ZNF208: variants seen among roughly 807,000 people sequenced by gnomAD.
The protein encoded by ZNF208 is zinc finger protein 208.
ZNF208 carries 10 observed loss-of-function variants against 12.1 expected under a neutral mutation model. The observed-to-expected ratio is 0.83, with a 90% confidence interval of 0.51 to 1.40. The LOEUF is 1.40. Ranked by LOEUF, ZNF208 falls within the 40% of genes most tolerant of loss-of-function variation. The probability of loss-of-function intolerance (pLI) is 0.00; values close to 1 mark genes in which losing one functional copy is unlikely to be tolerated. For missense variants in ZNF208, 1,652 were observed against 1,485.0 expected (o/e 1.11, Z -1.85); for synonymous variants, 497 against 488.4 (o/e 1.02, Z -0.23).
downstream of ZNF208, among the ~76,000 whole-genome samples, chr19:21,961,135 T>C (rs1970060583): frequency 6.6e-6 from 1 of 152,196 alleles, no homozygotes; most frequent in African/African-American, 2.4e-5. Context: ...TCAACATAGG[T>C]TCTTTCTATT....
rs1432902393 is a variant in ZNF208 at position 21,974,821 on chromosome 19, A to C, written c.227-14T>G. On this transcript the variant is annotated splice_polypyrimidine_tract_variant and intron_variant, in intron 3 of 3. Coordinates refer to ENST00000397126, the MANE Select transcript of ZNF208 (RefSeq NM_007153.3). Reference sequence around the variant, plus strand: ...GAGAACATATAACTGAAAAGAAATAAAAATCACAAATTAGCCTACTTATTA... The same window carrying C: ...GAGAACATATAACTGAAAAGAAATACAAATCACAAATTAGCCTACTTATTA... 5.3e-6 allele frequency: 8 copies of C among 1,516,504 alleles called. No individual in the cohort carries two copies. Among genetic ancestry groups the C allele is most frequent in the Non-Finnish European group, 7.0e-6 (8 of 1,136,670 alleles). The allele number at this position is 1,516,504 out of a possible 1,614,324, so 93.9% of individuals were successfully genotyped here. A position where few individuals can be genotyped will look rare whatever the true frequency, so the allele number is the denominator to read the frequency against.
chr19:22,009,170 A>G (rs1162345804), intron 1 of ZNF208, among the ~76,000 whole-genome samples: 1 of 152,258 alleles, frequency 6.6e-6, no homozygotes, highest in East Asian at 1.9e-4. Context: ...TTGTCAAAAA[A>G]TGATTACAAT....
intron 3 of ZNF208, among the ~76,000 whole-genome samples, chr19:21,975,614 A>G (rs1050416530): frequency 2.0e-5 from 3 of 152,036 alleles, no homozygotes; most frequent in African/African-American, 7.2e-5. Flanking sequence ...GGGCAATATA[A>G]TTCCATCAAA....
At chr19:21,992,943 G>T (rs1334783617) in intron 1 of ZNF208, among the ~76,000 whole-genome samples, 1 of 151,988 alleles carries the variant, frequency 6.6e-6, no homozygotes, top group African/African-American at 2.4e-5. Flanking sequence ...AAAAAGAAAA[G>T]GCCATTTTTT....
intron 3 of ZNF208, among the ~76,000 whole-genome samples, chr19:21,975,758 T>C (rs1970418414): frequency 8.5e-6 from 1 of 117,116 alleles, no homozygotes; most frequent in Non-Finnish European, 1.7e-5. Context: ...AGAACAAAAA[T>C]GACCAGTGAA....
In ZNF208 at chr19:21,969,035, T is replaced by G. The variant is rs1373357432; in HGVS notation, c.*2156A>C. ...CCATCTGTACTAAAAATACAAAAAA[T>G]TAGCTGGGAGTGGCGGCGGGCGCCT... On this transcript the variant is annotated 3_prime_UTR_variant, in exon 4 of 4. Transcript: ENST00000397126. Among the ~76,000 whole-genome samples the G allele has an allele frequency of 2.0e-5, 3 of 152,020 alleles. No individual in the cohort carries two copies. Among genetic ancestry groups the G allele is most frequent in the Admixed American group, 6.6e-5 (1 of 15,248 alleles).
chr19:22,002,386 T>A (rs1970969164), intron 1 of ZNF208, among the ~76,000 whole-genome samples: 1 of 152,106 alleles, frequency 6.6e-6, no homozygotes, highest in African/African-American at 2.4e-5. Flanking sequence ...CATCCAAACA[T>A]AAAGAGAGGA....
intron 1 of ZNF208, among the ~76,000 whole-genome samples, chr19:21,999,516 A>G (rs1318226325): frequency 6.6e-6 from 1 of 152,202 alleles, no homozygotes; most frequent in Non-Finnish European, 1.5e-5. Flanking sequence ...CACCCTGGAT[A>G]ATCAGGTTTC....
intron 4 of ZNF208, among the ~76,000 whole-genome samples, chr19:21,958,636 T>C (rs1332360484): frequency 6.6e-6 from 1 of 152,172 alleles, no homozygotes; most frequent in East Asian, 1.9e-4. Flanking sequence ...TTGTTTCTTT[T>C]TCCCTAAAAA....
intron 4 of ZNF208, among the ~76,000 whole-genome samples, chr19:21,959,858 A>C (rs1599605645): frequency 6.6e-6 from 1 of 152,294 alleles, no homozygotes; most frequent in East Asian, 1.9e-4. Context: ...GATGTTCTCT[A>C]AGAAACTAAA....
At chr19:21,941,190 C>CTGCCCA in intron 4 of ZNF208, 1 of 395,924 alleles carries the variant, frequency 2.5e-6, no homozygotes, top group Non-Finnish European at 4.4e-6. Flanking sequence ...GAGGGTGAAG[C>CTGCCCA]TGCCCAAACT....
rs544241679 is a variant in ZNF208 at position 21,994,594 on chromosome 19, A to G, written c.4-5685T>C. ...TAAGTAAACTTAAATCCGAGTTTGT[A>G]TAATTTTAATCTTTTTTAGCCACTG... On this transcript the variant is annotated intron_variant, in intron 1 of 3. Transcript: ENST00000397126. Among the ~76,000 whole-genome samples the G allele has an allele frequency of 4.6e-5, 7 of 152,236 alleles. No homozygotes were observed. The South Asian group carries it at 1.5e-3, about 32-fold the overall frequency.
intron 4 of ZNF208, among the ~76,000 whole-genome samples, chr19:21,944,305 G>C (rs1350452273): frequency 1.3e-5 from 2 of 152,074 alleles, no homozygotes; most frequent in African/African-American, 4.8e-5. Context: ...AACCACACAA[G>C]CTAAACAACA....
intron 4 of ZNF208, among the ~76,000 whole-genome samples, chr19:21,951,729 T>C (rs950308238): frequency 2.7e-4 from 41 of 152,192 alleles, no homozygotes; most frequent in Admixed American, 5.2e-4. Flanking sequence ...CCAAATGTGA[T>C]TGAAGAAGAT....
intron 4 of ZNF208, among the ~76,000 whole-genome samples, chr19:21,948,824 G>C (rs1035557268): frequency 4.6e-5 from 7 of 152,038 alleles, no homozygotes; most frequent in Non-Finnish European, 1.0e-4. Flanking sequence ...AGGTTACCTA[G>C]AGCCAGTCAG....
At position 21,974,515 on chromosome 19, in the gene ZNF208, C is replaced by T. The variant is rs768416950; in HGVS notation, c.519G>A (p.Leu173=). 1 of 1,613,634 alleles carries T rather than the reference C, an allele frequency of 6.2e-7. No homozygotes were observed. Among genetic ancestry groups the T allele is most frequent in the Non-Finnish European group, 8.5e-7 (1 of 1,179,714 alleles). Residue 173 remains leucine (L), a synonymous_variant, in exon 4 of 4, where the codon TTG becomes TTA. Transcript: ENST00000397126. The stretch of plus-strand genomic sequence containing the variant: ...ATGATCTGACGTATTCTTTACATTG[C>T]AAATGTTTCTTTCCAGTATGCCTTA... ...HKIRHTGKKH[L]QCKEYVRSFC... is the part of the protein sequence containing the mutation.
At chr19:21,988,554 A>C (rs572890542) in intron 2 of ZNF208, among the ~76,000 whole-genome samples, 1 of 152,238 alleles carries the variant, frequency 6.6e-6, no homozygotes, top group African/African-American at 2.4e-5. Flanking sequence ...AGCTGACCAC[A>C]ACCTCCCCCT....
chr19:21,971,459 G>C lies in ZNF208; in HGVS notation c.3575C>G (p.Thr1192Ser), dbSNP rs1970281480. 1.2e-6 allele frequency: 2 copies of C among 1,611,164 alleles called. No individual in the cohort carries two copies. Among genetic ancestry groups the C allele is most frequent in the Non-Finnish European group, 8.5e-7 (1 of 1,179,874 alleles). Residue 1192 changes from threonine to serine, a missense_variant, in exon 4 of 4, where the codon ACT (threonine) becomes AGT (serine). By Grantham distance (58) the Thr-to-Ser change is moderately conservative. Around this residue, in one of 3 missense-constraint regions of ZNF208, gnomAD observed 1,239 missense variants for 1,086.2 expected, o/e 1.14. Coordinates refer to ENST00000397126, the MANE Select transcript of ZNF208 (RefSeq NM_007153.3). ...SILAKHKVIH[T>S]GEKLYKCEEC... ...TTCACATTTGTAGAGTTTCTCTCCA[G>C]TATGAATTACCTTATGTTTTGCAAG...
Position 21,973,569 on chromosome 19 carries a change from C to G in ZNF208, c.1465G>C (p.Ala489Pro). The stretch of plus-strand genomic sequence containing the variant: ...TAGGGTTTCTCTCCAGCATGAGTTG[C>G]CTTATCACATTCTTCACATTTGTAG... ...KPYKCEECDK[A>P]THAGEKPYKC... The change falls in exon 4 of 4, where the codon GCA (alanine) becomes CCA (proline). Residue 489 changes from alanine (A) to proline (P), a missense_variant. Coordinates refer to ENST00000397126, the MANE Select transcript of ZNF208 (RefSeq NM_007153.3). The G allele has an allele frequency of 6.2e-7, 1 of 1,612,264 alleles. No homozygotes were observed. The highest frequency in any genetic ancestry group is 1.7e-5 in the Admixed American group (1 of 59,810).
Sources: gnomAD v4.1 joint callset for allele counts (sites outside exome capture counted in the v4.1 genomes callset) on GRCh38, gnomAD v4.1.1 for gene constraint, gnomAD v4.1.1 regional missense constraint, MANE v1.5 for transcripts, NCBI Gene and HGNC (gene_info 2026-07-23, HGNC 2026-07-21) for gene names.